Variants in LRIG1 observed in about 807,000 individuals in gnomAD.
The protein encoded by LRIG1 is leucine-rich repeats and immunoglobulin-like domains protein 1.
Under a neutral mutation model 99.2 loss-of-function variants are expected in LRIG1, and 48 were observed. That is an observed-to-expected ratio of 0.48 (90% CI 0.38 to 0.62). The LOEUF (loss-of-function observed/expected upper bound fraction) is 0.62, where lower values mean the gene tolerates loss of function less well. Ranked by LOEUF, LRIG1 falls within the 20% of genes least tolerant of loss-of-function variation. The pLI, the probability that LRIG1 is intolerant of heterozygous loss-of-function variation, is 0.00. For synonymous variants in LRIG1, 772 were observed against 596.1 expected (o/e 1.29, Z -4.30); for missense variants, 1,646 against 1,434.4 (o/e 1.15, Z -2.38).
At chr3:66,470,477 A>G (rs2106864134) in intron 1 of LRIG1, among the ~76,000 whole-genome samples, 1 of 152,334 alleles carries the variant, frequency 6.6e-6, no homozygotes, top group South Asian at 2.1e-4. Flanking sequence ...GCAAACAAAA[A>G]GGCCAAGAAG....
intron 1 of LRIG1, among the ~76,000 whole-genome samples, chr3:66,496,293 T>C (rs910440742): frequency 1.3e-5 from 2 of 152,190 alleles, no homozygotes; most frequent in African/African-American, 2.4e-5. Flanking sequence ...TTAATTTACA[T>C]GGGGCGCTGG....
chr3:66,394,191 G>A lies in LRIG1; in HGVS notation c.1317C>T (p.Ser439=), dbSNP rs6793110. Reference sequence around the variant, plus strand: ...GCTGGCAGTCACACAGGAAGCTGTCGCTGCTGATATGGCTGAAAGAAACAC... The same window carrying A: ...GCTGGCAGTCACACAGGAAGCTGTCACTGCTGATATGGCTGAAAGAAACAC... ...MKNLKELHIS[S]DSFLCDCQLK... Residue 439 remains serine (S), a synonymous_variant, in exon 12 of 19, where the codon AGC becomes AGT. Coordinates refer to ENST00000273261, the MANE Select transcript of LRIG1 (RefSeq NM_015541.3). The A allele has an allele frequency of 0.24, 387,752 of 1,593,816 alleles. 50,915 individuals carry two copies. The highest frequency in any genetic ancestry group is 0.46 in the African/African-American group (34,194 of 74,094).
rs142174342 is a variant in LRIG1, at chr3:66,379,966, A to G, written c.*297T>C. 6.6e-3 allele frequency: 1,419 copies of G among 214,804 alleles called. 29 individuals are homozygous for G. Among genetic ancestry groups the G allele is most frequent in the African/African-American group, 0.031 (1,353 of 43,802 alleles). 13.3% of individuals were successfully genotyped at this position (214,804 alleles called of 1,614,324 possible). On this transcript the variant is annotated 3_prime_UTR_variant, in exon 19 of 19. Coordinates refer to ENST00000273261, the MANE Select transcript of LRIG1 (RefSeq NM_015541.3). ...CGAAAAATAATATTGTCAAAATTGT[A>G]TAATTTTTTTCTGTTAACCATGCAC... is the stretch of plus-strand genomic sequence containing the variant.
intron 12 of LRIG1, 38 bp from the exon 13 acceptor site, chr3:66,386,339 T>C: frequency 1.3e-6 from 2 of 1,562,422 alleles, no homozygotes; most frequent in Non-Finnish European, 1.8e-6. Flanking sequence ...CGCTGGGTTC[T>C]TGGTACACAG....
intron 1 of LRIG1, among the ~76,000 whole-genome samples, chr3:66,484,999 A>C (rs748190809): frequency 1.3e-5 from 2 of 151,924 alleles, no homozygotes; most frequent in Non-Finnish European, 2.9e-5. Context: ...ACCCCCAAAA[A>C]ATACAAAAAT....
chr3:66,400,206 T>C (rs1455781369), intron 9 of LRIG1, among the ~76,000 whole-genome samples: 1 of 152,188 alleles, frequency 6.6e-6, no homozygotes, highest in Non-Finnish European at 1.5e-5. Flanking sequence ...ATGGAAGAAA[T>C]GAGTGCCTCC....
intron 3 of LRIG1, among the ~76,000 whole-genome samples, chr3:66,443,476 G>T (rs1327178971): frequency 2.0e-5 from 3 of 152,172 alleles, no homozygotes; most frequent in Non-Finnish European, 4.4e-5. Flanking sequence ...CATTTAGGGT[G>T]TTACTTACAC....
At chr3:66,483,359 TA>T (rs1700894717) in intron 1 of LRIG1, among the ~76,000 whole-genome samples, 1 of 152,190 alleles carries the variant, frequency 6.6e-6, no homozygotes, top group Non-Finnish European at 1.5e-5. Context: ...AAGTCCAAGC[TA>T]AAAAGGCCCA....
intron 3 of LRIG1, among the ~76,000 whole-genome samples, chr3:66,429,787 G>GGTGTGTGTGT (rs35021380): frequency 2.7e-5 from 4 of 149,330 alleles, no homozygotes; most frequent in Non-Finnish European, 6.0e-5. Context: ...AAACAGGGTG[G>GGTGTGTGTGT]GTGTGTGTGT....
At chr3:66,488,436 G>A (rs1273071688) in intron 1 of LRIG1, among the ~76,000 whole-genome samples, 2 of 149,776 alleles carry the variant, frequency 1.3e-5, no homozygotes, top group African/African-American at 4.9e-5. Flanking sequence ...AAACCAGCCT[G>A]GCCAACATGG....
chr3:66,413,883 C>T (rs1702542857), intron 5 of LRIG1, among the ~76,000 whole-genome samples: 1 of 151,924 alleles, frequency 6.6e-6, no homozygotes, highest in Non-Finnish European at 1.5e-5. Context: ...ACCTGGCCCT[C>T]GACAATTATT....
chr3:66,425,564 G>A (rs1369218046), intron 3 of LRIG1, among the ~76,000 whole-genome samples: 1 of 152,172 alleles, frequency 6.6e-6, no homozygotes, highest in African/African-American at 2.4e-5. Flanking sequence ...ATCCACTTAA[G>A]TTTACAAAAA....
At chr3:66,473,822 G>A (rs1394790116) in intron 1 of LRIG1, among the ~76,000 whole-genome samples, 1 of 152,228 alleles carries the variant, frequency 6.6e-6, no homozygotes, top group Non-Finnish European at 1.5e-5. Context: ...GACTTTAATA[G>A]CTAGCTTATC....
rs183973771 is a variant in LRIG1, at chr3:66,398,304, A to G, written c.1233-121T>C. On this transcript the variant is annotated intron_variant, in intron 10 of 18. Transcript: ENST00000273261. ...TAGCCAGACCTGTGTCCTAACTACT[A>G]TAAGTGGCTGTTGTTTCCCAAATCG... 452 of 709,462 alleles carry G rather than the reference A, an allele frequency of 6.4e-4. 2 individuals are homozygous for G. The Middle Eastern group carries it at 6.7e-3, about 10-fold the overall frequency. The allele number at this position is 709,462 out of a possible 1,614,324, so 43.9% of individuals were successfully genotyped here. A position where few individuals can be genotyped will look rare whatever the true frequency, so the allele number is the denominator to read the frequency against.
At chr3:66,474,535 G>A (rs371162876) in intron 1 of LRIG1, among the ~76,000 whole-genome samples, 3 of 152,108 alleles carry the variant, frequency 2.0e-5, no homozygotes, top group African/African-American at 2.4e-5. Flanking sequence ...TAGTAGAAAC[G>A]GGGTTTCACC....
In LRIG1 at chr3:66,500,511, C is replaced by T. The variant is rs1401923517; in HGVS notation, c.-104G>A. 3.6e-6 allele frequency: 2 copies of T among 551,424 alleles called. No individual in the cohort carries two copies. The highest frequency in any genetic ancestry group is 2.0e-5 in the African/African-American group (1 of 50,898). The allele number at this position is 551,424 out of a possible 1,614,324, so 34.2% of individuals were successfully genotyped here. ...GGGCGCTCCGCTCGGCTCTAGACTC[C>T]GCACCGGGGCATGGCCCCCGCCCCA... On this transcript the variant is annotated 5_prime_UTR_variant, in exon 1 of 19. Coordinates refer to ENST00000273261, the MANE Select transcript of LRIG1 (RefSeq NM_015541.3).
chr3:66,440,304 T>G (rs1321816579), intron 3 of LRIG1, among the ~76,000 whole-genome samples: 1 of 152,098 alleles, frequency 6.6e-6, no homozygotes, highest in African/African-American at 2.4e-5. Context: ...TTAAGCTCCC[T>G]AGGTCATTCT....
intron 1 of LRIG1, among the ~76,000 whole-genome samples, chr3:66,472,866 G>C (rs1213048716): frequency 3.3e-5 from 5 of 152,104 alleles, no homozygotes; most frequent in Non-Finnish European, 5.9e-5. Flanking sequence ...ACTTTCCTAG[G>C]ACCAGGAAAG....
intron 1 of LRIG1, among the ~76,000 whole-genome samples, chr3:66,473,989 A>G (rs62243264): frequency 0.01 from 1,578 of 152,004 alleles, 20 homozygotes; most frequent in East Asian, 0.072. Flanking sequence ...CTACCACATC[A>G]TTTTCCCTGT....
Sources: gnomAD v4.1 joint callset for allele counts (sites outside exome capture counted in the v4.1 genomes callset) on GRCh38, gnomAD v4.1.1 for gene constraint, MANE v1.5 for transcripts, NCBI Gene and HGNC (gene_info 2026-07-23, HGNC 2026-07-21) for gene names.